Variants in TXNRD2 observed in about 807,000 individuals in gnomAD.
TXNRD2 encodes the protein thioredoxin reductase 2, mitochondrial.
In TXNRD2, 67 loss-of-function variants were observed where a neutral mutation model predicts 70.8. That is an observed-to-expected ratio of 0.95 (90% CI 0.78 to 1.16). The LOEUF is 1.16. TXNRD2 is among the 50% of genes most tolerant of loss of function. TXNRD2 has a pLI of 0.00. For synonymous variants in TXNRD2, 301 were observed against 295.8 expected, an observed-to-expected ratio of 1.02 and a Z score of -0.18; for missense variants, 644 against 719.9, an observed-to-expected ratio of 0.89 and a Z score of 1.21.
chr22:19,877,921 T>TC (rs1938581854), intron 16 of TXNRD2, among the ~76,000 whole-genome samples, 169 bp downstream of exon 16: 1 of 151,894 alleles, frequency 6.6e-6, no homozygotes, highest in Admixed American at 6.6e-5. Context: ...CCGCCTCTTG[T>TC]CCCCCTAAAA....
intron 1 of TXNRD2, 130 bp downstream of exon 1, chr22:19,941,571 G>A: frequency 7.6e-7 from 1 of 1,308,142 alleles, no homozygotes; most frequent in Non-Finnish European, 9.7e-7. Context: ...TAGACCAAGA[G>A]GCCGGTATGT....
intron 1 of TXNRD2, among the ~76,000 whole-genome samples, chr22:19,933,109 C>A (rs1366706835): frequency 6.6e-6 from 1 of 152,226 alleles, no homozygotes; most frequent in Non-Finnish European, 1.5e-5. Flanking sequence ...GCCCCACAAC[C>A]AAACCCACCC....
At chr22:19,906,490 C>T (rs985280196) in intron 8 of TXNRD2, among the ~76,000 whole-genome samples, 3 of 151,920 alleles carry the variant, frequency 2.0e-5, no homozygotes, top group African/African-American at 4.8e-5. Context: ...GGCGTGGTGG[C>T]GAGCGCCTGT....
At chr22:19,923,660 G>A (rs1261835031) in intron 2 of TXNRD2, among the ~76,000 whole-genome samples, 1 of 152,134 alleles carries the variant, frequency 6.6e-6, no homozygotes, top group Non-Finnish European at 1.5e-5. Flanking sequence ...AAATTAGCCA[G>A]GTGTGGTGGT....
chr22:19,923,747 A>C (rs973696270), intron 2 of TXNRD2, among the ~76,000 whole-genome samples: 3 of 151,616 alleles, frequency 2.0e-5, no homozygotes, highest in South Asian at 2.1e-4. Context: ...GGTTGCAGTG[A>C]GCCGAGATGG....
At chr22:19,908,454 TA>T (rs1378689004) in intron 8 of TXNRD2, among the ~76,000 whole-genome samples, 1 of 151,902 alleles carries the variant, frequency 6.6e-6, no homozygotes, top group Non-Finnish European at 1.5e-5. Flanking sequence ...GAAAACAGTT[TA>T]AAGGAAAAAA....
intron 9 of TXNRD2, among the ~76,000 whole-genome samples, chr22:19,898,634 C>G (rs934109168): frequency 2.6e-5 from 4 of 151,802 alleles, no homozygotes; most frequent in Admixed American, 2.6e-4. Context: ...CCTGCCTCAG[C>G]CTCCCAAGTA....
chr22:19,918,970 G>A lies in TXNRD2; in HGVS notation c.264C>T (p.Asn88=), dbSNP rs575321083. Residue 88 remains asparagine, a synonymous_variant, in exon 4 of 18, where the codon AAC becomes AAT. Transcript: ENST00000400521. ...TCAGCTTCTTGGGGATGCAGCCCAC[G>A]TTGACGCAGGTGCCGCCGAGGCCCC... is the stretch of plus-strand genomic sequence containing the variant. ...TRWGLGGTCV[N]VGCIPKKLMH... is the part of the protein sequence containing the mutation. The A allele has an allele frequency of 1.4e-5, 22 of 1,612,174 alleles. No individual in the cohort carries two copies. The highest frequency in any genetic ancestry group is 1.7e-4 in the Middle Eastern group (1 of 6,030).
chr22:19,898,131 C>A lies in TXNRD2; in HGVS notation c.683-1G>T. On this transcript the variant is annotated splice_acceptor_variant, in intron 9 of 17. Coordinates refer to ENST00000400521, the MANE Select transcript of TXNRD2 (RefSeq NM_006440.5). LOFTEE classifies it high-confidence loss of function. ...AAGCCAGCACACTCCAGGGCCACAT[C>A]TGTGGGGTGCCAGCTAAGGAGCACT... is the stretch of plus-strand genomic sequence containing the variant. The A allele has an allele frequency of 6.4e-7, 1 of 1,558,862 alleles. No homozygotes were observed. The highest frequency in any genetic ancestry group is 1.2e-5 in the South Asian group (1 of 84,462).
At chr22:19,879,138 A>T (rs1055285795) in intron 14 of TXNRD2, among the ~76,000 whole-genome samples, 1 of 152,274 alleles carries the variant, frequency 6.6e-6, no homozygotes, top group African/African-American at 2.4e-5. Context: ...GTCCCAGCAC[A>T]CTTGTGATGA....
chr22:19,932,869 G>A (rs757272837), intron 1 of TXNRD2, among the ~76,000 whole-genome samples: 2 of 152,200 alleles, frequency 1.3e-5, no homozygotes, highest in African/African-American at 2.4e-5. Flanking sequence ...TGAGAAGGCT[G>A]CACTTATCTT....
intron 2 of TXNRD2, among the ~76,000 whole-genome samples, chr22:19,920,919 G>A (rs975452470): frequency 1.1e-4 from 16 of 152,176 alleles, no homozygotes; most frequent in East Asian, 7.7e-4. Context: ...TGGCTAACAC[G>A]GTGAAACCCT....
intron 8 of TXNRD2, among the ~76,000 whole-genome samples, chr22:19,906,623 A>G (rs1940027139): frequency 6.6e-6 from 1 of 151,624 alleles, no homozygotes; most frequent in Non-Finnish European, 1.5e-5. Context: ...CCCTGTCTCA[A>G]AGATAAAAAA....
intron 16 of TXNRD2, 125 bp from the exon 17 acceptor site, chr22:19,877,359 C>G (rs1190842742): frequency 2.3e-6 from 2 of 868,172 alleles, no homozygotes; most frequent in Non-Finnish European, 3.6e-6. Flanking sequence ...TGACCCCCAG[C>G]CAGCAGCCAG....
rs3747068 is a variant in TXNRD2, at chr22:19,918,868, C to T, written c.366G>A (p.Pro122=). 11 of 1,608,234 alleles carry T rather than the reference C, an allele frequency of 6.8e-6. No homozygotes were observed. Among genetic ancestry groups the T allele is most frequent in the East Asian group, 4.5e-5 (2 of 44,816 alleles). The part of the protein sequence containing the change: ...NYGWEVAQPV[P]HDWRKMAEAV... ...CGGCGCCAGATCCTTACCAGTCATGCGGCACGGGCTGGGCCACCTCCCAGC... is the reference window on the plus strand; with the variant it reads ...CGGCGCCAGATCCTTACCAGTCATGTGGCACGGGCTGGGCCACCTCCCAGC... Residue 122 remains proline (P), a synonymous_variant, in exon 4 of 18, where the codon CCG becomes CCA. Transcript: ENST00000400521.
rs776104767 is a variant in TXNRD2 at position 19,878,159 on chromosome 22, A to C, written c.1376T>G (p.Leu459Arg). ...KMVCLREPPQLVLGLHFLGPN... is the reference protein window; with the variant it reads ...KMVCLREPPQRVLGLHFLGPN... ...GCCAAGGAAATGCAGGCCCAGCACC[A>C]GCTGTGGGGGCTCCCTCAGGCACAC... Residue 459 changes from leucine to arginine, a missense_variant, in exon 16 of 18, where the codon CTG becomes CGG. By Grantham distance (102) the Leu-to-Arg change is moderately radical. Coordinates refer to ENST00000400521, the MANE Select transcript of TXNRD2 (RefSeq NM_006440.5). The C allele has an allele frequency of 8.7e-6, 14 of 1,613,312 alleles. No homozygotes were observed. In the South Asian group the frequency reaches 1.5e-4, roughly 18 times the overall value.
intron 8 of TXNRD2, among the ~76,000 whole-genome samples, chr22:19,908,047 G>A (rs1415531728): frequency 2.3e-4 from 21 of 91,672 alleles, no homozygotes; most frequent in Middle Eastern, 8.1e-3. Flanking sequence ...TGTGGGCGCC[G>A]TGGGTAGCAG....
intron 12 of TXNRD2, among the ~76,000 whole-genome samples, chr22:19,882,375 T>G: frequency 6.6e-6 from 1 of 152,158 alleles, no homozygotes; most frequent in East Asian, 1.9e-4. Context: ...ATTTTTGTAT[T>G]TTTTTAGTAG....
chr22:19,932,635 G>T, intron 1 of TXNRD2: 1 of 1,357,454 alleles, frequency 7.4e-7, no homozygotes, highest in Non-Finnish European at 9.6e-7. Flanking sequence ...CTGGGGTGAG[G>T]GCAGGGTGGG....
Sources: gnomAD v4.1 joint callset for allele counts (sites outside exome capture counted in the v4.1 genomes callset) on GRCh38, gnomAD v4.1.1 for gene constraint, MANE v1.5 for transcripts, NCBI Gene and HGNC (gene_info 2026-07-23, HGNC 2026-07-21) for gene names.